Variants in PCDH15 observed in about 807,000 individuals in gnomAD.
PCDH15 encodes protocadherin related 15.
PCDH15 carries 129 observed loss-of-function variants against 178.5 expected under a neutral mutation model. The ratio of observed to expected loss-of-function variants is 0.72; its 90% CI spans 0.63 to 0.84. The LOEUF (loss-of-function observed/expected upper bound fraction) is 0.84, where lower values mean the gene tolerates loss of function less well. Among genes scored for constraint, PCDH15 ranks in the 40% least tolerant of loss-of-function variants. PCDH15 has a pLI of 0.00. For synonymous variants in PCDH15, 800 were observed against 732.0 expected, an observed-to-expected ratio of 1.09 and a Z score of -1.50; for missense variants, 2,230 against 2,099.9, an observed-to-expected ratio of 1.06 and a Z score of -1.21.
chr10:55,112,119 A>T (rs1273077766), intron 2 of PCDH15, among the ~76,000 whole-genome samples: 1 of 152,148 alleles, frequency 6.6e-6, no homozygotes, highest in Non-Finnish European at 1.5e-5. Context: ...CCTACTATTG[A>T]TATATTTCAT....
intron 2 of PCDH15, among the ~76,000 whole-genome samples, chr10:54,567,473 A>G (rs1319459813): frequency 6.6e-6 from 1 of 152,198 alleles, no homozygotes; most frequent in African/African-American, 2.4e-5. Context: ...ATATAGTTAA[A>G]TTATATCATT....
intron 1 of PCDH15, among the ~76,000 whole-genome samples, chr10:54,794,665 T>C (rs1951784349): frequency 6.6e-6 from 1 of 151,820 alleles, no homozygotes; most frequent in Non-Finnish European, 1.5e-5. Context: ...GCAAAATCTG[T>C]ACCTACCTGG....
intron 2 of PCDH15, among the ~76,000 whole-genome samples, chr10:55,481,371 G>T (rs1424285917): frequency 6.6e-6 from 1 of 151,430 alleles, no homozygotes; most frequent in Non-Finnish European, 1.5e-5. Context: ...CTTGTCTTTT[G>T]CTAGCTTTGG....
intron 1 of PCDH15, among the ~76,000 whole-genome samples, chr10:55,170,109 T>C (rs1839293067): frequency 6.6e-6 from 1 of 152,002 alleles, no homozygotes; most frequent in Non-Finnish European, 1.5e-5. Context: ...CCTACTTGAA[T>C]TTTGAATGTT....
In PCDH15 at chr10:55,437,520, A is replaced by C. The variant is rs186829938; in HGVS notation, c.-156+190105T>G. On this transcript the variant is annotated intron_variant, in intron 2 of 5. Transcript: ENST00000613346. Reference sequence around the variant, plus strand: ...GATGGTGATTTCTGGTTTTGTAAAGAAGGCTAATAAAGAAAAAATGGCCCT... The same window carrying C: ...GATGGTGATTTCTGGTTTTGTAAAGCAGGCTAATAAAGAAAAAATGGCCCT... Among the ~76,000 whole-genome samples, 207 of 152,326 alleles carry C rather than the reference A, an allele frequency of 1.4e-3. 2 individuals are homozygous for C. Among genetic ancestry groups the C allele is most frequent in the African/African-American group, 4.7e-3 (196 of 41,572 alleles).
intron 3 of PCDH15, among the ~76,000 whole-genome samples, chr10:54,464,545 C>A (rs764806335): frequency 6.6e-6 from 1 of 152,090 alleles, no homozygotes; most frequent in African/African-American, 2.4e-5. Flanking sequence ...GATAGTAAAA[C>A]TATCATATTT....
At chr10:54,553,120 G>A (rs1397821774) in intron 2 of PCDH15, among the ~76,000 whole-genome samples, 1 of 152,116 alleles carries the variant, frequency 6.6e-6, no homozygotes. Flanking sequence ...ACACTTCTAA[G>A]ATTCTGTCAG....
chr10:54,366,848 C>T (rs1017164599), intron 5 of PCDH15, among the ~76,000 whole-genome samples: 1 of 151,574 alleles, frequency 6.6e-6, no homozygotes, highest in Non-Finnish European at 1.5e-5. Flanking sequence ...GATAGGATGA[C>T]CTCAGTTATC....
At chr10:54,507,851 T>C (rs1259000523) in intron 3 of PCDH15, among the ~76,000 whole-genome samples, 1 of 152,030 alleles carries the variant, frequency 6.6e-6, no homozygotes, top group East Asian at 1.9e-4. Flanking sequence ...CCTCAATTTC[T>C]TCATATTAAA....
chr10:55,291,230 T>C (rs951854037), intron 1 of PCDH15, among the ~76,000 whole-genome samples: 7 of 152,118 alleles, frequency 4.6e-5, no homozygotes, highest in African/African-American at 1.7e-4. Flanking sequence ...TAAGAAAATC[T>C]GAGAAAAGCG....
At chr10:54,879,177 G>T (rs970709) in intron 3 of PCDH15, among the ~76,000 whole-genome samples, 4,106 of 101,870 alleles carry the variant, frequency 0.04, 182 homozygotes, top group African/African-American at 0.16. Flanking sequence ...CAGACCACGT[G>T]CTGTTTGTGT....
chr10:54,514,235 T>C (rs2081986139), intron 3 of PCDH15, among the ~76,000 whole-genome samples: 1 of 152,106 alleles, frequency 6.6e-6, no homozygotes, highest in Non-Finnish European at 1.5e-5. Flanking sequence ...TAGTCAATAA[T>C]TGAAAAACCC....
chr10:54,809,520 C>T (rs1952830786), intron 3 of PCDH15, among the ~76,000 whole-genome samples: 1 of 152,018 alleles, frequency 6.6e-6, no homozygotes, highest in Non-Finnish European at 1.5e-5. Context: ...AATGAGAATC[C>T]AGTCTCCTGC....
intron 2 of PCDH15, among the ~76,000 whole-genome samples, chr10:55,484,284 CTTAAAG>C (rs1199894867): frequency 6.6e-6 from 1 of 151,404 alleles, no homozygotes; most frequent in Non-Finnish European, 1.5e-5. Flanking sequence ...TACCCCTGAA[CTTAAAG>C]TTAAAAAATA....
At chr10:54,750,533 T>G (rs886683464) in intron 1 of PCDH15, among the ~76,000 whole-genome samples, 5 of 152,112 alleles carry the variant, frequency 3.3e-5, no homozygotes, top group Non-Finnish European at 7.4e-5. Context: ...CAATCTATTT[T>G]CAAGTTGAAA....
chr10:54,573,992 G>A (rs2090167400), intron 2 of PCDH15, among the ~76,000 whole-genome samples: 1 of 152,134 alleles, frequency 6.6e-6, no homozygotes, highest in Non-Finnish European at 1.5e-5. Flanking sequence ...TCACTCTGAT[G>A]GTAGTTTCTT....
intron 17 of PCDH15, among the ~76,000 whole-genome samples, chr10:54,071,582 A>G (rs1356328383): frequency 1.3e-5 from 2 of 152,154 alleles, no homozygotes; most frequent in African/African-American, 2.4e-5. Context: ...TAGCACAGCC[A>G]TTTGTTTTGT....
At chr10:55,024,936 G>T (rs11004683) in intron 2 of PCDH15, among the ~76,000 whole-genome samples, 86,368 of 151,720 alleles carry the variant, frequency 0.57, 24,901 homozygotes, top group East Asian at 0.75. Context: ...CAAAACCATG[G>T]TTTTTTTTAA....
intron 26 of PCDH15, among the ~76,000 whole-genome samples, chr10:53,902,069 G>A (rs1462904449): frequency 1.3e-5 from 2 of 152,208 alleles, no homozygotes; most frequent in East Asian, 3.9e-4. Flanking sequence ...TTGACTAAAT[G>A]ATAGAACTAA....
Sources: gnomAD v4.1 joint callset for allele counts (sites outside exome capture counted in the v4.1 genomes callset) on GRCh38, gnomAD v4.1.1 for gene constraint, MANE v1.5 for transcripts, NCBI Gene and HGNC (gene_info 2026-07-23, HGNC 2026-07-21) for gene names.